The following WWOX variants were observed in gnomAD, a reference collection of about 807,000 sequenced individuals.
WWOX encodes WW domain containing oxidoreductase.
In WWOX, 69 loss-of-function variants were observed where a neutral mutation model predicts 46.2. The ratio of observed to expected loss-of-function variants is 1.49; its 90% CI spans 1.23 to 1.82. The LOEUF is 1.82. Among genes scored for constraint, WWOX ranks in the 40% most tolerant of loss-of-function variants. The pLI is 0.00. For missense variants in WWOX, 919 were observed against 542.6 expected (o/e 1.69, Z -6.89); for synonymous variants, 359 against 202.6 (o/e 1.77, Z -6.56).
At chr16:79,053,241 A>G (rs2048203075) in intron 8 of WWOX, among the ~76,000 whole-genome samples, 1 of 152,184 alleles carries the variant, frequency 6.6e-6, no homozygotes, top group South Asian at 2.1e-4. Context: ...CACATACGTA[A>G]TTACAAAGTC....
chr16:78,188,624 C>T (rs1354674395), intron 5 of WWOX, among the ~76,000 whole-genome samples: 5 of 151,880 alleles, frequency 3.3e-5, no homozygotes, highest in Middle Eastern at 3.4e-3. Flanking sequence ...AGTTTCGAGA[C>T]GATAATATTA....
At chr16:79,091,696 T>G (rs1310109514) in intron 8 of WWOX, among the ~76,000 whole-genome samples, 2 of 151,918 alleles carry the variant, frequency 1.3e-5, no homozygotes, top group Non-Finnish European at 2.9e-5. Flanking sequence ...GCAGCTCGCC[T>G]AAGGACTTTG....
chr16:78,825,583 C>T (rs1351482957), intron 8 of WWOX: 8 of 533,074 alleles, frequency 1.5e-5, no homozygotes, highest in Admixed American at 3.9e-5. Flanking sequence ...TTGCCCAGGT[C>T]GAGTCTGCAG....
chr16:78,108,992 A>C (rs2032325849), intron 2 of WWOX, among the ~76,000 whole-genome samples: 1 of 152,210 alleles, frequency 6.6e-6, no homozygotes, highest in South Asian at 2.1e-4. Context: ...TGTCTGAAAA[A>C]TAGCGACAAC....
chr16:79,006,659 G>T (rs1290192175), intron 8 of WWOX, among the ~76,000 whole-genome samples: 2 of 152,140 alleles, frequency 1.3e-5, no homozygotes, highest in Non-Finnish European at 1.5e-5. Context: ...TCCAACACAG[G>T]TCTCACTCGG....
At chr16:78,578,477 G>C (rs1201793621) in intron 8 of WWOX, among the ~76,000 whole-genome samples, 1 of 150,802 alleles carries the variant, frequency 6.6e-6, no homozygotes, top group African/African-American at 2.4e-5. Flanking sequence ...TTTTAATAGA[G>C]ACAGGGTTTC....
intron 8 of WWOX, among the ~76,000 whole-genome samples, chr16:78,568,104 C>G (rs1258239690): frequency 6.6e-6 from 1 of 152,094 alleles, no homozygotes; most frequent in African/African-American, 2.4e-5. Context: ...CGTAAAAATC[C>G]GTGCGGAATT....
At chr16:78,527,032 T>C (rs938550185) in intron 8 of WWOX, among the ~76,000 whole-genome samples, 5 of 152,092 alleles carry the variant, frequency 3.3e-5, no homozygotes, top group African/African-American at 1.2e-4. Flanking sequence ...GGTGTGGTGA[T>C]GCACACCTGT....
At chr16:78,829,607 A>T (rs1361260503) in intron 8 of WWOX, among the ~76,000 whole-genome samples, 1 of 152,068 alleles carries the variant, frequency 6.6e-6, no homozygotes, top group Admixed American at 6.5e-5. Flanking sequence ...TGTCCAAGGC[A>T]CATATAGTCA....
At chr16:79,042,752 T>A (rs1213542622) in intron 8 of WWOX, among the ~76,000 whole-genome samples, 1 of 146,110 alleles carries the variant, frequency 6.8e-6, no homozygotes, top group Non-Finnish European at 1.5e-5. Flanking sequence ...TTCTTCTAAC[T>A]TGTCCTCCTT....
intron 6 of WWOX, among the ~76,000 whole-genome samples, chr16:78,388,535 T>A (rs978626173): frequency 6.6e-6 from 1 of 150,504 alleles, no homozygotes; most frequent in African/African-American, 2.5e-5. Flanking sequence ...TAGTCCTAGC[T>A]ACTTGGGAGG....
chr16:78,788,409 C>G (rs1421484622), intron 8 of WWOX, among the ~76,000 whole-genome samples: 1 of 152,190 alleles, frequency 6.6e-6, no homozygotes, highest in Non-Finnish European at 1.5e-5. Flanking sequence ...TCTTCCCCAC[C>G]TTTTTGATTG....
chr16:78,349,229 T>G (rs2081145867), intron 5 of WWOX, among the ~76,000 whole-genome samples: 1 of 119,850 alleles, frequency 8.3e-6, no homozygotes, highest in East Asian at 1.9e-4. Flanking sequence ...TGTCCTCTTC[T>G]TTGAAGGACA....
chr16:78,789,304 C>T, intron 8 of WWOX, among the ~76,000 whole-genome samples: 1 of 152,144 alleles, frequency 6.6e-6, no homozygotes. Context: ...ACTTTTGATC[C>T]ATTTTACGTC....
chr16:78,408,458 T>C (rs998024673), intron 6 of WWOX, among the ~76,000 whole-genome samples: 1 of 152,172 alleles, frequency 6.6e-6, no homozygotes, highest in African/African-American at 2.4e-5. Context: ...TTCCTTTTAG[T>C]TAATAAATTC....
chr16:78,139,231 A>C (rs990057781), intron 4 of WWOX, among the ~76,000 whole-genome samples: 5 of 152,194 alleles, frequency 3.3e-5, no homozygotes, highest in African/African-American at 1.2e-4. Flanking sequence ...GCTTTCTTCA[A>C]GGGACAGAAC....
intron 8 of WWOX, among the ~76,000 whole-genome samples, chr16:78,744,399 G>C (rs2049298857): frequency 6.7e-6 from 1 of 148,764 alleles, no homozygotes; most frequent in Non-Finnish European, 1.5e-5. Context: ...GGCCAGATTA[G>C]GAAGGGCCCA....
chr16:78,823,528 G>A (rs56209917), intron 8 of WWOX, among the ~76,000 whole-genome samples: 18,825 of 152,134 alleles, frequency 0.12, 1,478 homozygotes, highest in Non-Finnish European at 0.18. Flanking sequence ...CTGTGTAATC[G>A]CATATAGCAT....
At chr16:78,910,129 G>A (rs74926978) in intron 8 of WWOX, among the ~76,000 whole-genome samples, 28 of 151,792 alleles carry the variant, frequency 1.8e-4, no homozygotes, top group East Asian at 9.7e-4. Context: ...AATATTCCTC[G>A]TCTGTCCTTC....
Sources: gnomAD v4.1 joint callset for allele counts (sites outside exome capture counted in the v4.1 genomes callset) on GRCh38, gnomAD v4.1.1 for gene constraint, MANE v1.5 for transcripts, NCBI Gene and HGNC (gene_info 2026-07-23, HGNC 2026-07-21) for gene names.